The following CDK14 variants were observed in gnomAD, a reference collection of about 807,000 sequenced individuals.
CDK14 encodes cyclin dependent kinase 14, also known as cyclin-dependent kinase 14.
CDK14 carries 34 observed loss-of-function variants against 60.7 expected under a neutral mutation model. That is an observed-to-expected ratio of 0.56 (90% CI 0.43 to 0.75). The LOEUF (loss-of-function observed/expected upper bound fraction) is 0.75, where lower values mean the gene tolerates loss of function less well. CDK14 is among the 30% of genes least tolerant of loss of function. The pLI is 0.00. For synonymous variants in CDK14, 197 were observed against 203.7 expected (o/e 0.97, Z 0.28); for missense variants, 482 against 564.1 (o/e 0.85, Z 1.47).
chr7:91,141,799 T>TTG (rs1800469837), intron 14 of CDK14, among the ~76,000 whole-genome samples: 2 of 149,976 alleles, frequency 1.3e-5, no homozygotes, highest in African/African-American at 4.9e-5. Flanking sequence ...AACAGTGGGT[T>TTG]TTGTTGTTGT....
intron 14 of CDK14, among the ~76,000 whole-genome samples, chr7:91,188,253 T>C (rs1802251259): frequency 6.6e-6 from 1 of 152,148 alleles, no homozygotes. Context: ...TTTAGGAGTA[T>C]CATTTAAACA....
intron 13 of CDK14, among the ~76,000 whole-genome samples, chr7:91,113,378 A>G (rs549149419): frequency 2.6e-4 from 39 of 152,332 alleles, no homozygotes; most frequent in Middle Eastern, 3.4e-3. Context: ...TTGTTTTTAT[A>G]AAAGTCTACA....
At chr7:90,879,837 T>C (rs1292170053) in intron 6 of CDK14, among the ~76,000 whole-genome samples, 10 of 145,992 alleles carry the variant, frequency 6.8e-5, no homozygotes, top group African/African-American at 1.5e-4. Context: ...AAGAGCAGTG[T>C]GGTATGGTGG....
intron 14 of CDK14, among the ~76,000 whole-genome samples, chr7:91,186,729 T>A (rs1373823895): frequency 2.6e-5 from 4 of 152,332 alleles, no homozygotes; most frequent in African/African-American, 9.6e-5. Flanking sequence ...AATGTAGGGT[T>A]TTTTGTTTGG....
At chr7:91,157,145 C>G (rs544472359) in intron 14 of CDK14, among the ~76,000 whole-genome samples, 2 of 152,136 alleles carry the variant, frequency 1.3e-5, no homozygotes, top group East Asian at 3.9e-4. Flanking sequence ...TTCATATTTT[C>G]TCTTTCTCTA....
intron 4 of CDK14, among the ~76,000 whole-genome samples, chr7:90,756,837 A>G (rs1031009296): frequency 3.3e-5 from 5 of 152,172 alleles, no homozygotes; most frequent in African/African-American, 1.2e-4. Flanking sequence ...AGCTCTCATT[A>G]TCTTGCAGTG....
intron 12 of CDK14, among the ~76,000 whole-genome samples, chr7:91,083,040 CTG>C (rs528946611): frequency 4.5e-4 from 68 of 152,126 alleles, no homozygotes; most frequent in Admixed American, 8.5e-4. Flanking sequence ...GGTAAGAACA[CTG>C]TTATTTCACT....
chr7:91,162,728 G>A (rs761225526), intron 14 of CDK14, among the ~76,000 whole-genome samples: 5 of 152,144 alleles, frequency 3.3e-5, no homozygotes, highest in Admixed American at 6.5e-5. Context: ...TCATAGTATC[G>A]TTGTGAGGAT....
At chr7:91,181,441 A>G (rs1261940830) in intron 14 of CDK14, among the ~76,000 whole-genome samples, 2 of 152,132 alleles carry the variant, frequency 1.3e-5, no homozygotes, top group African/African-American at 2.4e-5. Context: ...ATATTTTGTG[A>G]TGGTGATGTA....
chr7:90,857,663 T>C (rs548215425), intron 5 of CDK14, among the ~76,000 whole-genome samples: 21 of 152,332 alleles, frequency 1.4e-4, no homozygotes, highest in South Asian at 8.3e-4. Flanking sequence ...GTGTTTATGA[T>C]ATTATTAGGA....
chr7:90,780,536 T>C (rs1237599466), intron 4 of CDK14, among the ~76,000 whole-genome samples: 3 of 149,638 alleles, frequency 2.0e-5, no homozygotes, highest in Admixed American at 6.7e-5. Context: ...TAACTCGTCA[T>C]TTAGTATTAG....
chr7:91,071,786 G>A (rs2116182619), intron 11 of CDK14, among the ~76,000 whole-genome samples: 1 of 152,336 alleles, frequency 6.6e-6, no homozygotes, highest in Middle Eastern at 3.4e-3. Flanking sequence ...GGTAAGGGCA[G>A]CAGCCATCTC....
At chr7:90,909,632 A>G (rs73225049) in intron 7 of CDK14, among the ~76,000 whole-genome samples, 9,537 of 152,096 alleles carry the variant, frequency 0.063, 409 homozygotes, top group South Asian at 0.095. Flanking sequence ...TCCATACCGG[A>G]AACACCACCT....
chr7:90,735,840 G>C (rs1471170682), intron 3 of CDK14, among the ~76,000 whole-genome samples: 1 of 152,196 alleles, frequency 6.6e-6, no homozygotes, highest in Non-Finnish European at 1.5e-5. Context: ...GAACGGTTCT[G>C]TCTCCCTGGC....
At chr7:90,764,134 G>T (rs1223366822) in intron 4 of CDK14, among the ~76,000 whole-genome samples, 1 of 152,148 alleles carries the variant, frequency 6.6e-6, no homozygotes, top group Non-Finnish European at 1.5e-5. Context: ...TATGAGTGCT[G>T]TTGAATCTGT....
intron 10 of CDK14, among the ~76,000 whole-genome samples, chr7:91,007,074 G>A (rs1795999991): frequency 6.6e-6 from 1 of 152,006 alleles, no homozygotes; most frequent in Non-Finnish European, 1.5e-5. Context: ...AGGATTGCTG[G>A]GTGCACTTTG....
intron 9 of CDK14, among the ~76,000 whole-genome samples, chr7:90,958,987 G>A (rs1794517441): frequency 6.6e-6 from 1 of 152,138 alleles, no homozygotes; most frequent in African/African-American, 2.4e-5. Flanking sequence ...TTTCTGAGGT[G>A]TAGCTCAGTA....
intron 8 of CDK14, among the ~76,000 whole-genome samples, chr7:90,951,383 C>T (rs1291080155): frequency 6.6e-6 from 1 of 152,110 alleles, no homozygotes; most frequent in Non-Finnish European, 1.5e-5. Flanking sequence ...TGGAATGACT[C>T]TGAAGTAATG....
chr7:90,955,841 A>G, intron 9 of CDK14, 24 bp downstream of exon 9: 1 of 1,611,198 alleles, frequency 6.2e-7, no homozygotes, highest in Non-Finnish European at 8.5e-7. Context: ...GCTTTACTCT[A>G]GCTAATCTAT....
Sources: allele counts gnomAD v4.1 joint callset (sites outside exome capture counted in the v4.1 genomes callset), GRCh38; gene constraint gnomAD v4.1.1; transcripts MANE v1.5; gene names NCBI Gene and HGNC (gene_info 2026-07-23, HGNC 2026-07-21).